SKAP2: variants seen among roughly 807,000 people sequenced by gnomAD.
The protein encoded by SKAP2 is src kinase-associated phosphoprotein 2.
A neutral mutation model predicts 54.9 loss-of-function variants in SKAP2; 28 were observed. The observed-to-expected ratio is 0.51, with a 90% confidence interval of 0.38 to 0.70. The LOEUF (loss-of-function observed/expected upper bound fraction) is 0.70. Among genes scored for constraint, SKAP2 ranks in the 30% least tolerant of loss-of-function variants. SKAP2 has a pLI of 0.00. For missense variants in SKAP2, 356 were observed against 424.1 expected (o/e 0.84, Z 1.41); for synonymous variants, 137 against 134.3 (o/e 1.02, Z -0.14).
chr7:26,726,693 T>A, intron 7 of SKAP2, 189 bp downstream of exon 7: 2 of 444,080 alleles, frequency 4.5e-6, no homozygotes, highest in Non-Finnish European at 7.9e-6. Context: ...AAGAAGATAG[T>A]GTGTGAATTA....
At chr7:26,813,997 C>A (rs758962877) in intron 4 of SKAP2, among the ~76,000 whole-genome samples, 2 of 152,080 alleles carry the variant, frequency 1.3e-5, no homozygotes, top group Non-Finnish European at 2.9e-5. Context: ...CATGAGCTGG[C>A]ATTTGAGACA....
At chr7:26,781,692 T>C (rs1241022423) in intron 4 of SKAP2, among the ~76,000 whole-genome samples, 2 of 152,198 alleles carry the variant, frequency 1.3e-5, no homozygotes, top group Non-Finnish European at 2.9e-5. Flanking sequence ...GGACAATTTT[T>C]GATACCTCCC....
Position 26,670,564 on chromosome 7 carries a change from T to A in SKAP2, c.988-372A>T, listed in dbSNP as rs534454337. ...GGTTAAAGCCAGGATCCTTAAGCTA[T>A]TATATTTGCCTTCAAGAAGCTTATC... On this transcript the variant is annotated intron_variant, in intron 11 of 12. Coordinates refer to ENST00000345317, the MANE Select transcript of SKAP2 (RefSeq NM_003930.5). Among the ~76,000 whole-genome samples, 24 of 152,208 alleles carry A rather than the reference T, an allele frequency of 1.6e-4. No homozygotes were observed. The South Asian group carries it at 3.7e-3, about 24-fold the overall frequency.
At chr7:26,706,987 T>C (rs1022861802) in intron 9 of SKAP2, among the ~76,000 whole-genome samples, 3 of 152,210 alleles carry the variant, frequency 2.0e-5, no homozygotes, top group South Asian at 4.1e-4. Context: ...AGCAGCTAAT[T>C]GGGATAATTT....
intron 4 of SKAP2, among the ~76,000 whole-genome samples, chr7:26,791,687 A>G (rs1473936027): frequency 2.0e-5 from 3 of 152,220 alleles, no homozygotes; most frequent in Non-Finnish European, 4.4e-5. Flanking sequence ...CCTAACTAGA[A>G]GGACTAAAAT....
chr7:26,725,940 A>G lies in SKAP2; in HGVS notation c.641T>C (p.Leu214Pro). The G allele has an allele frequency of 1.2e-6, 2 of 1,610,602 alleles. No individual in the cohort carries two copies. Among genetic ancestry groups the G allele is most frequent in the Non-Finnish European group, 1.7e-6 (2 of 1,177,944 alleles). ...PKDAEEWVQQ[L>P]KFVLQDMESD... is the part of the protein sequence containing the mutation. ...TATCTTACCTTGCAATACAAATTTC[A>G]GCTGCTGTACCCATTCTTCAGCATC... Residue 214 changes from leucine (L) to proline (P), a missense_variant, in exon 8 of 13, where the codon CTG becomes CCG. Coordinates refer to ENST00000345317, the MANE Select transcript of SKAP2 (RefSeq NM_003930.5).
the SKAP2 span, among the ~76,000 whole-genome samples, chr7:26,661,453 AG>A: frequency 2.0e-5 from 3 of 152,150 alleles, no homozygotes; most frequent in African/African-American, 7.2e-5. Context: ...AATTTTCCTT[AG>A]AATGTCAGTT....
At chr7:26,855,268 T>C (rs1404900847) in intron 1 of SKAP2, 2 of 156,542 alleles carry the variant, frequency 1.3e-5, no homozygotes, top group Admixed American at 1.3e-4. Flanking sequence ...TTTTCTAGTA[T>C]TTTGTAAGTT....
chr7:26,658,827 C>T, the SKAP2 span, among the ~76,000 whole-genome samples: 4 of 142,724 alleles, frequency 2.8e-5, no homozygotes, highest in African/African-American at 1.0e-4. Flanking sequence ...ATACCCACCC[C>T]CCACCCCCCC....
the SKAP2 span, among the ~76,000 whole-genome samples, chr7:26,655,403 T>C: frequency 6.6e-6 from 1 of 152,188 alleles, no homozygotes; most frequent in African/African-American, 2.4e-5. Context: ...TAAATAATAA[T>C]AAACTTGAAT....
At chr7:26,773,450 G>A (rs1356908145) in intron 4 of SKAP2, among the ~76,000 whole-genome samples, 1 of 152,138 alleles carries the variant, frequency 6.6e-6, no homozygotes, top group African/African-American at 2.4e-5. Flanking sequence ...GCATCTTCCA[G>A]CTAATACATT....
At chr7:26,664,569 GAAGTA>G (rs1786073636), downstream of SKAP2, among the ~76,000 whole-genome samples, 1 of 151,982 alleles carries the variant, frequency 6.6e-6, no homozygotes, top group Non-Finnish European at 1.5e-5. Flanking sequence ...CCTCAAACAA[GAAGTA>G]AATTGCAGTT....
chr7:26,674,785 G>C (rs1245646901), intron 11 of SKAP2, among the ~76,000 whole-genome samples: 1 of 152,150 alleles, frequency 6.6e-6, no homozygotes, highest in Non-Finnish European at 1.5e-5. Flanking sequence ...TTTAAAGCAA[G>C]AGAGACAAAA....
intron 7 of SKAP2, 77 bp from the exon 8 acceptor site, chr7:26,726,063 T>G (rs900059039): frequency 3.3e-6 from 3 of 907,500 alleles, no homozygotes; most frequent in Non-Finnish European, 5.3e-6. Context: ...ACCATTTCTT[T>G]AAGACTATTA....
At chr7:26,702,084 CTTAT>C (rs1390197762) in intron 9 of SKAP2, among the ~76,000 whole-genome samples, 2 of 152,088 alleles carry the variant, frequency 1.3e-5, no homozygotes, top group Non-Finnish European at 2.9e-5. Flanking sequence ...TATCAGTTTC[CTTAT>C]TTATTTCCTA....
At chr7:26,722,567 T>C (rs972622044) in intron 9 of SKAP2, among the ~76,000 whole-genome samples, 2 of 151,546 alleles carry the variant, frequency 1.3e-5, no homozygotes. Context: ...AATTTTTTAT[T>C]TATTTTTATT....
chr7:26,811,568 T>C (rs1295322644), intron 4 of SKAP2, among the ~76,000 whole-genome samples: 1 of 152,224 alleles, frequency 6.6e-6, no homozygotes, highest in East Asian at 1.9e-4. Context: ...AACACCATTT[T>C]GTACATTACT....
At chr7:26,837,049 G>A (rs550079228) in intron 4 of SKAP2, among the ~76,000 whole-genome samples, 109 of 152,230 alleles carry the variant, frequency 7.2e-4, no homozygotes, top group African/African-American at 2.6e-3. Flanking sequence ...CACAGATGAA[G>A]CTGGAAACCA....
chr7:26,807,540 A>G (rs1242996114), intron 4 of SKAP2, among the ~76,000 whole-genome samples: 1 of 152,198 alleles, frequency 6.6e-6, no homozygotes, highest in Non-Finnish European at 1.5e-5. Context: ...GTGGAAATGC[A>G]AGTCAATTAA....
Sources: allele counts gnomAD v4.1 joint callset (sites outside exome capture counted in the v4.1 genomes callset), GRCh38; gene constraint gnomAD v4.1.1; transcripts MANE v1.5; gene names NCBI Gene and HGNC (gene_info 2026-07-23, HGNC 2026-07-21).